HDAC9: variants seen among roughly 807,000 people sequenced by gnomAD.
The protein encoded by HDAC9 is MEF-2 interacting transcription repressor (MITR) protein.
In HDAC9, 41 loss-of-function variants were observed where a neutral mutation model predicts 139.4. That is an observed-to-expected ratio of 0.29 (90% CI 0.23 to 0.38). The LOEUF (loss-of-function observed/expected upper bound fraction) is 0.38, where lower values mean the gene tolerates loss of function less well. Among genes scored for constraint, HDAC9 ranks in the 10% least tolerant of loss-of-function variants. The probability of loss-of-function intolerance (pLI) is 1.00; values close to 1 mark genes in which losing one functional copy is unlikely to be tolerated. For missense variants in HDAC9, 1,147 were observed against 1,297.0 expected, an observed-to-expected ratio of 0.88 and a Z score of 1.78; for synonymous variants, 517 against 476.2, an observed-to-expected ratio of 1.09 and a Z score of -1.12.
At chr7:18,988,613 A>T (rs570966905) in intron 25 of HDAC9, among the ~76,000 whole-genome samples, 25 of 152,204 alleles carry the variant, frequency 1.6e-4, no homozygotes, top group African/African-American at 5.5e-4. Context: ...ATTCCTGAGT[A>T]TCCTTGTTTA....
intron 1 of HDAC9, among the ~76,000 whole-genome samples, chr7:18,409,804 A>G (rs1788372125): frequency 6.6e-6 from 1 of 152,148 alleles, no homozygotes; most frequent in African/African-American, 2.4e-5. Context: ...TATATTTTAC[A>G]TGTAATCTTA....
chr7:18,909,709 A>C (rs1435665232), intron 22 of HDAC9, among the ~76,000 whole-genome samples: 1 of 151,938 alleles, frequency 6.6e-6, no homozygotes, highest in East Asian at 1.9e-4. Flanking sequence ...CATGATGCGG[A>C]GACTGTCCCT....
intron 1 of HDAC9, among the ~76,000 whole-genome samples, chr7:18,469,712 A>G (rs901222898): frequency 1.3e-5 from 2 of 152,164 alleles, no homozygotes; most frequent in African/African-American, 4.8e-5. Flanking sequence ...AGCAGGGAGG[A>G]TCCTAGTTAT....
chr7:18,933,352 C>G (rs898039670), intron 22 of HDAC9, among the ~76,000 whole-genome samples: 1 of 151,904 alleles, frequency 6.6e-6, no homozygotes, highest in Non-Finnish European at 1.5e-5. Context: ...TCTACCTAAT[C>G]TGGATTAAAG....
At chr7:18,745,888 T>C (rs1376836680) in intron 13 of HDAC9, among the ~76,000 whole-genome samples, 31 of 136,654 alleles carry the variant, frequency 2.3e-4, no homozygotes, top group Admixed American at 9.2e-4. Flanking sequence ...TTCTTCTTTT[T>C]TTTTTTTTTT....
At chr7:18,202,620 AGTT>A (rs1791215098) in intron 2 of HDAC9, among the ~76,000 whole-genome samples, 1 of 152,240 alleles carries the variant, frequency 6.6e-6, no homozygotes, top group Non-Finnish European at 1.5e-5. Flanking sequence ...TTATGATTTA[AGTT>A]GTTAAGATTT....
chr7:18,192,332 G>A (rs1176683617), intron 2 of HDAC9, among the ~76,000 whole-genome samples: 1 of 152,122 alleles, frequency 6.6e-6, no homozygotes, highest in Non-Finnish European at 1.5e-5. Flanking sequence ...TCTGACTTTT[G>A]CATAGCTATT....
chr7:18,827,795 A>G (rs907559782), intron 17 of HDAC9, among the ~76,000 whole-genome samples: 5 of 152,168 alleles, frequency 3.3e-5, no homozygotes, highest in Non-Finnish European at 5.9e-5. Context: ...CCAGTGAACC[A>G]TGTGCATCTG....
At chr7:18,315,404 A>G (rs1799572047) in intron 1 of HDAC9, among the ~76,000 whole-genome samples, 1 of 152,164 alleles carries the variant, frequency 6.6e-6, no homozygotes, top group Non-Finnish European at 1.5e-5. Context: ...AGAGCTCATA[A>G]CTTATGAAAC....
chr7:18,310,429 A>G (rs1799231575), intron 1 of HDAC9, among the ~76,000 whole-genome samples: 9 of 152,200 alleles, frequency 5.9e-5, no homozygotes, highest in Admixed American at 5.9e-4. Flanking sequence ...GAATTTGGTC[A>G]GTAAAGTAAG....
chr7:18,274,065 A>G (rs1296094237), intron 2 of HDAC9, among the ~76,000 whole-genome samples: 1 of 152,180 alleles, frequency 6.6e-6, no homozygotes, highest in African/African-American at 2.4e-5. Context: ...CAGAAATTCT[A>G]TGGGAAGTAT....
intron 1 of HDAC9, among the ~76,000 whole-genome samples, chr7:18,487,181 T>C (rs926468058): frequency 2.0e-5 from 3 of 151,424 alleles, no homozygotes; most frequent in Admixed American, 2.0e-4. Context: ...AAGTTGAAAA[T>C]AAAGGGAAAG....
chr7:18,494,077 G>A (rs1020526945), upstream of HDAC9, among the ~76,000 whole-genome samples: 1 of 152,010 alleles, frequency 6.6e-6, no homozygotes, highest in Non-Finnish European at 1.5e-5. Flanking sequence ...AAGTTTATTT[G>A]TAATATCAGA....
At chr7:18,205,139 T>G (rs1031435226) in intron 2 of HDAC9, among the ~76,000 whole-genome samples, 2 of 152,020 alleles carry the variant, frequency 1.3e-5, no homozygotes, top group African/African-American at 2.4e-5. Context: ...TAGCCAGTTA[T>G]GTCAGCCTCA....
At chr7:18,277,261 G>A (rs1158236662) in intron 2 of HDAC9, among the ~76,000 whole-genome samples, 1 of 152,180 alleles carries the variant, frequency 6.6e-6, no homozygotes, top group Non-Finnish European at 1.5e-5. Flanking sequence ...TGAAGAAACA[G>A]TGGCAGGCTC....
intron 22 of HDAC9, among the ~76,000 whole-genome samples, chr7:18,923,811 A>G (rs1803974099): frequency 6.6e-6 from 1 of 152,252 alleles, no homozygotes; most frequent in Admixed American, 6.5e-5. Flanking sequence ...GAAAGGTAGG[A>G]AAATCATGCA....
intron 21 of HDAC9, among the ~76,000 whole-genome samples, chr7:18,845,813 A>C (rs1796865747): frequency 6.6e-6 from 1 of 152,198 alleles, no homozygotes; most frequent in African/African-American, 2.4e-5. Context: ...AAGAGCTAGG[A>C]GTCTCCATGG....
At chr7:18,688,584 T>C (rs1440620409) in intron 12 of HDAC9, among the ~76,000 whole-genome samples, 1 of 151,934 alleles carries the variant, frequency 6.6e-6, no homozygotes, top group Non-Finnish European at 1.5e-5. Flanking sequence ...TCACTTATAG[T>C]TGGCACATCC....
chr7:18,483,267 A>C (rs1795722092), intron 1 of HDAC9, among the ~76,000 whole-genome samples: 1 of 152,236 alleles, frequency 6.6e-6, no homozygotes, highest in South Asian at 2.1e-4. Context: ...ATGATTGCTG[A>C]AATGAGGGAG....
Sources: allele counts gnomAD v4.1 joint callset (sites outside exome capture counted in the v4.1 genomes callset), GRCh38; gene constraint gnomAD v4.1.1; transcripts MANE v1.5; gene names NCBI Gene and HGNC (gene_info 2026-07-23, HGNC 2026-07-21).